Variants in PHACTR1 observed in about 807,000 individuals in gnomAD.
PHACTR1 encodes phosphatase and actin regulator 1.
A neutral mutation model predicts 69.2 loss-of-function variants in PHACTR1; 16 were observed. That is an observed-to-expected ratio of 0.23 (90% CI 0.16 to 0.35). The LOEUF (loss-of-function observed/expected upper bound fraction) is 0.35. Among genes scored for constraint, PHACTR1 ranks in the 10% least tolerant of loss-of-function variants. The pLI, the probability that PHACTR1 is intolerant of heterozygous loss-of-function variation, is 1.00. For synonymous variants in PHACTR1, 312 were observed against 284.5 expected, an observed-to-expected ratio of 1.10 and a Z score of -0.97; for missense variants, 510 against 734.7, an observed-to-expected ratio of 0.69 and a Z score of 3.54.
chr6:12,841,689 C>T (rs1305496258), intron 4 of PHACTR1, among the ~76,000 whole-genome samples: 1 of 152,058 alleles, frequency 6.6e-6, no homozygotes, highest in East Asian at 1.9e-4. Flanking sequence ...AAAAGGGAGA[C>T]TAGAAATGAT....
intron 8 of PHACTR1, among the ~76,000 whole-genome samples, chr6:13,224,606 C>G (rs1584049693): frequency 6.6e-6 from 1 of 152,198 alleles, no homozygotes; most frequent in East Asian, 1.9e-4. Context: ...AAAAAAAACT[C>G]GTGCTACAGT....
At chr6:12,735,148 TG>T (rs1764065966) in intron 3 of PHACTR1, among the ~76,000 whole-genome samples, 1 of 152,146 alleles carries the variant, frequency 6.6e-6, no homozygotes, top group Non-Finnish European at 1.5e-5. Context: ...GCTTTCAAGG[TG>T]GCTCATGCCC....
chr6:12,817,448 G>A (rs913060897), intron 4 of PHACTR1, among the ~76,000 whole-genome samples: 1 of 152,154 alleles, frequency 6.6e-6, no homozygotes, highest in Non-Finnish European at 1.5e-5. Flanking sequence ...TTGAAACCGG[G>A]CTCTGCCATA....
chr6:12,818,902 T>C (rs533745853), intron 4 of PHACTR1, among the ~76,000 whole-genome samples: 74 of 152,340 alleles, frequency 4.9e-4, no homozygotes, highest in African/African-American at 1.7e-3. Flanking sequence ...AGTTCTGTAT[T>C]TCCATGTTTA....
intron 5 of PHACTR1, among the ~76,000 whole-genome samples, chr6:13,074,893 A>G (rs184933118): frequency 1.3e-5 from 2 of 152,332 alleles, no homozygotes. Context: ...GGAGAACAGT[A>G]TGAATATTAT....
intron 5 of PHACTR1, among the ~76,000 whole-genome samples, chr6:13,120,000 G>A (rs1561857138): frequency 6.6e-6 from 1 of 151,990 alleles, no homozygotes; most frequent in Non-Finnish European, 1.5e-5. Flanking sequence ...ACATCAAATC[G>A]ACCTGCTGGA....
At chr6:12,878,823 A>G (rs759629366) in intron 4 of PHACTR1, among the ~76,000 whole-genome samples, 5 of 152,158 alleles carry the variant, frequency 3.3e-5, no homozygotes, top group Admixed American at 6.5e-5. Flanking sequence ...AAGTGTTTAT[A>G]TTATACTTTG....
chr6:12,779,548 TA>T (rs1770549414), intron 4 of PHACTR1, among the ~76,000 whole-genome samples: 1 of 152,096 alleles, frequency 6.6e-6, no homozygotes, highest in African/African-American at 2.4e-5. Context: ...AATAAATAAA[TA>T]AATAACACCT....
At chr6:12,797,852 G>A (rs901538974) in intron 4 of PHACTR1, among the ~76,000 whole-genome samples, 7 of 152,026 alleles carry the variant, frequency 4.6e-5, no homozygotes, top group Admixed American at 3.9e-4. Context: ...TTCTTTCTGT[G>A]ATTTAGGTCT....
intron 10 of PHACTR1, among the ~76,000 whole-genome samples, chr6:13,252,104 C>T (rs1424398702): frequency 1.3e-5 from 2 of 148,788 alleles, no homozygotes; most frequent in African/African-American, 4.9e-5. Context: ...GGCACGGTGA[C>T]TTATGCCCAT....
intron 4 of PHACTR1, among the ~76,000 whole-genome samples, chr6:12,877,972 G>T (rs1292382666): frequency 6.6e-6 from 1 of 152,138 alleles, no homozygotes; most frequent in African/African-American, 2.4e-5. Flanking sequence ...AAGATCAAAT[G>T]ATACACTCAC....
intron 5 of PHACTR1, among the ~76,000 whole-genome samples, chr6:13,151,439 C>A (rs919969632): frequency 6.6e-6 from 1 of 152,160 alleles, no homozygotes; most frequent in Non-Finnish European, 1.5e-5. Context: ...TAGAAAATAC[C>A]CGGCCCAGAA....
At chr6:13,004,266 T>A (rs1798510537) in intron 4 of PHACTR1, among the ~76,000 whole-genome samples, 1 of 151,966 alleles carries the variant, frequency 6.6e-6, no homozygotes, top group African/African-American at 2.4e-5. Context: ...TTTCTCTGCA[T>A]CCTCACCAAC....
At chr6:12,967,861 A>C (rs558783709) in intron 4 of PHACTR1, among the ~76,000 whole-genome samples, 72 of 152,332 alleles carry the variant, frequency 4.7e-4, no homozygotes, top group Admixed American at 1.3e-3. Context: ...ATTGTTTTGC[A>C]AGGACTAGTT....
rs1248038881 is a variant in PHACTR1 at position 13,261,658 on chromosome 6, A to G, written c.1392-11202A>G. ...GGTGGCCCTGGCCTCACAGAGTGTA[A>G]GCCTTGTTGTCTGGTGAATAGGACA... On this transcript the variant is annotated intron_variant, in intron 10 of 14. Transcript: ENST00000332995. 2.0e-5 allele frequency among the ~76,000 whole-genome samples: 3 copies of G among 152,164 alleles called. No homozygotes were observed. The East Asian group carries it at 5.8e-4, about 29-fold the overall frequency.
chr6:12,752,960 C>T (rs903593316), intron 4 of PHACTR1, among the ~76,000 whole-genome samples: 1 of 152,158 alleles, frequency 6.6e-6, no homozygotes, highest in Admixed American at 6.5e-5. Context: ...AACTTCTGTT[C>T]AGCATTTAGT....
chr6:13,202,851 G>A (rs759892508), intron 7 of PHACTR1, among the ~76,000 whole-genome samples: 14 of 152,218 alleles, frequency 9.2e-5, no homozygotes, highest in South Asian at 6.2e-4. Context: ...GAGTTTTTCC[G>A]TGTCTCAGCA....
chr6:13,131,959 T>C (rs960933671), intron 5 of PHACTR1, among the ~76,000 whole-genome samples: 2 of 152,134 alleles, frequency 1.3e-5, no homozygotes, highest in Non-Finnish European at 1.5e-5. Context: ...TATTTCCTAA[T>C]CTCCTTTTTT....
intron 4 of PHACTR1, among the ~76,000 whole-genome samples, chr6:12,875,341 C>G (rs1244636310): frequency 1.3e-5 from 2 of 152,334 alleles, no homozygotes; most frequent in Middle Eastern, 3.4e-3. Flanking sequence ...GCTCTGCTAA[C>G]TCAGCAACAT....
Sources: gnomAD v4.1 joint callset for allele counts (sites outside exome capture counted in the v4.1 genomes callset) on GRCh38, gnomAD v4.1.1 for gene constraint, MANE v1.5 for transcripts, NCBI Gene and HGNC (gene_info 2026-07-23, HGNC 2026-07-21) for gene names.